VSNL1: variants seen among roughly 807,000 people sequenced by gnomAD.
The protein encoded by VSNL1 is visinin like 1.
A neutral mutation model predicts 20.4 loss-of-function variants in VSNL1; 6 were observed. The ratio of observed to expected loss-of-function variants is 0.29; its 90% CI spans 0.16 to 0.58. The LOEUF (loss-of-function observed/expected upper bound fraction) is 0.58. Ranked by LOEUF, VSNL1 falls within the 20% of genes least tolerant of loss-of-function variation. The probability of loss-of-function intolerance (pLI) is 0.90; values close to 1 mark genes in which losing one functional copy is unlikely to be tolerated. For synonymous variants in VSNL1, 93 were observed against 86.4 expected (o/e 1.08, Z -0.42); for missense variants, 100 against 234.5 (o/e 0.43, Z 3.75).
chr2:17,540,559 G>C (rs897612886), upstream of VSNL1: 3 of 152,748 alleles, frequency 2.0e-5, no homozygotes, highest in East Asian at 5.8e-4. Context: ...TTGGTCACAG[G>C]CTCCCGAGTT....
At chr2:17,546,830 A>G (rs1663415820) in intron 1 of VSNL1, among the ~76,000 whole-genome samples, 2 of 152,012 alleles carry the variant, frequency 1.3e-5, no homozygotes, top group Non-Finnish European at 2.9e-5. Context: ...TTAATGGAAG[A>G]CTATCAATTT....
At position 17,583,834 on chromosome 2, in the gene VSNL1, C is replaced by T. The variant is rs78913798; in HGVS notation, c.-5-8236C>T. On this transcript the variant is annotated intron_variant, in intron 1 of 3. Coordinates refer to ENST00000295156, the MANE Select transcript of VSNL1 (RefSeq NM_003385.5). ...TACGTCTGTTTACATGTGCCAGGCTCGGTGCCATGTATTGAGGTTAGGATG... is the reference window on the plus strand; with the variant it reads ...TACGTCTGTTTACATGTGCCAGGCTTGGTGCCATGTATTGAGGTTAGGATG... Among the ~76,000 whole-genome samples, 327 of 152,280 alleles carry T rather than the reference C, an allele frequency of 2.1e-3. 3 individuals carry two copies. The highest frequency in any genetic ancestry group is 7.4e-3 in the African/African-American group (306 of 41,540).
intron 1 of VSNL1, among the ~76,000 whole-genome samples, chr2:17,557,374 AG>A (rs1663710523): frequency 6.6e-6 from 1 of 152,214 alleles, no homozygotes; most frequent in African/African-American, 2.4e-5. Flanking sequence ...CCTAGCACTA[AG>A]TGAACTAAAA....
chr2:17,632,840 C>A (rs940869438), intron 2 of VSNL1, among the ~76,000 whole-genome samples: 2 of 152,154 alleles, frequency 1.3e-5, no homozygotes, highest in Non-Finnish European at 2.9e-5. Context: ...AAAAATACTT[C>A]TTGGATGATT....
chr2:17,558,576 T>C (rs62131505), intron 1 of VSNL1, among the ~76,000 whole-genome samples: 4,464 of 152,288 alleles, frequency 0.029, 64 homozygotes, highest in Middle Eastern at 0.054. Flanking sequence ...AAACAGTAAG[T>C]GACATGCCCA....
chr2:17,589,407 A>G (rs1217349381), intron 1 of VSNL1, among the ~76,000 whole-genome samples: 1 of 152,198 alleles, frequency 6.6e-6, no homozygotes, highest in Non-Finnish European at 1.5e-5. Flanking sequence ...TATTCTGGAA[A>G]TTCACTCAGG....
intron 2 of VSNL1, among the ~76,000 whole-genome samples, chr2:17,592,761 C>T (rs1664625281): frequency 6.9e-6 from 1 of 145,240 alleles, no homozygotes; most frequent in East Asian, 2.1e-4. Flanking sequence ...GGGAGTGTAG[C>T]GTATCTCTGG....
chr2:17,617,630 C>A (rs1665246088), intron 2 of VSNL1, among the ~76,000 whole-genome samples: 1 of 152,076 alleles, frequency 6.6e-6, no homozygotes, highest in Non-Finnish European at 1.5e-5. Flanking sequence ...AGCAGAAGTG[C>A]CCCAGCCAGG....
intron 1 of VSNL1, among the ~76,000 whole-genome samples, chr2:17,586,903 A>C (rs774012462): frequency 6.6e-6 from 1 of 152,198 alleles, no homozygotes; most frequent in Admixed American, 6.5e-5. Context: ...AAGTCTAAGC[A>C]TGAGAAGGCC....
chr2:17,636,586 T>A (rs964770228), intron 2 of VSNL1, among the ~76,000 whole-genome samples: 1 of 152,228 alleles, frequency 6.6e-6, no homozygotes, highest in African/African-American at 2.4e-5. Context: ...ATGACACATG[T>A]ACCTGCTTCA....
intron 1 of VSNL1, among the ~76,000 whole-genome samples, chr2:17,555,098 C>T (rs949230190): frequency 6.6e-6 from 1 of 152,184 alleles, no homozygotes; most frequent in African/African-American, 2.4e-5. Context: ...GCATAGATTT[C>T]TGCCCATCTC....
At chr2:17,642,951 AC>A (rs1374767300) in intron 2 of VSNL1, among the ~76,000 whole-genome samples, 1 of 152,050 alleles carries the variant, frequency 6.6e-6, no homozygotes, top group Non-Finnish European at 1.5e-5. Context: ...CACCCAGAGG[AC>A]AAGGGATGGG....
At chr2:17,574,202 TC>T (rs144001342) in intron 1 of VSNL1, among the ~76,000 whole-genome samples, 8 of 151,276 alleles carry the variant, frequency 5.3e-5, no homozygotes, top group South Asian at 4.2e-4. Flanking sequence ...CTTTCTTTGA[TC>T]CCCCCCCACC....
chr2:17,617,448 A>G (rs1188700086), intron 2 of VSNL1, among the ~76,000 whole-genome samples: 2 of 152,044 alleles, frequency 1.3e-5, no homozygotes, highest in Admixed American at 1.3e-4. Context: ...GTGAGCCATG[A>G]TCATGCCACT....
chr2:17,605,048 G>T (rs1447957040), intron 2 of VSNL1, among the ~76,000 whole-genome samples: 1 of 152,158 alleles, frequency 6.6e-6, no homozygotes, highest in African/African-American at 2.4e-5. Context: ...CTGCCCCTTG[G>T]GAGCTGTGAG....
chr2:17,615,425 A>T (rs1665193125), intron 2 of VSNL1, among the ~76,000 whole-genome samples: 1 of 152,214 alleles, frequency 6.6e-6, no homozygotes, highest in Admixed American at 6.5e-5. Context: ...AGAGTGATCA[A>T]ATCAGGGCAG....
intron 1 of VSNL1, among the ~76,000 whole-genome samples, chr2:17,553,840 T>A (rs1663610216): frequency 6.6e-6 from 1 of 152,202 alleles, no homozygotes; most frequent in African/African-American, 2.4e-5. Flanking sequence ...TCTCTTTTAT[T>A]TGAAACTCAT....
chr2:17,643,319 A>G (rs1665923823), intron 2 of VSNL1, among the ~76,000 whole-genome samples: 1 of 152,188 alleles, frequency 6.6e-6, no homozygotes, highest in African/African-American at 2.4e-5. Flanking sequence ...ATGTGACTAA[A>G]GTGCAAGTGC....
chr2:17,555,417 A>T (rs1240380242), intron 1 of VSNL1, among the ~76,000 whole-genome samples: 2 of 152,210 alleles, frequency 1.3e-5, no homozygotes, highest in African/African-American at 2.4e-5. Flanking sequence ...TGATTAATAC[A>T]GTTTTTATGC....
Sources: gnomAD v4.1 joint callset for allele counts (sites outside exome capture counted in the v4.1 genomes callset) on GRCh38, gnomAD v4.1.1 for gene constraint, MANE v1.5 for transcripts, NCBI Gene and HGNC (gene_info 2026-07-23, HGNC 2026-07-21) for gene names.